The following SHISA9 variants were observed in gnomAD, a reference collection of about 807,000 sequenced individuals.
SHISA9 encodes protein shisa-9.
SHISA9 carries 13 observed loss-of-function variants against 38.0 expected under a neutral mutation model. The observed-to-expected ratio is 0.34, with a 90% CI of 0.22 to 0.54. SHISA9 has a LOEUF of 0.54. Among genes scored for constraint, SHISA9 ranks in the 20% least tolerant of loss-of-function variants. The pLI is 0.91. For missense variants in SHISA9, 538 were observed against 575.8 expected, an observed-to-expected ratio of 0.93 and a Z score of 0.67; for synonymous variants, 275 against 242.0, an observed-to-expected ratio of 1.14 and a Z score of -1.27.
chr16:13,558,988 G>A, the SHISA9 span, among the ~76,000 whole-genome samples: 397 of 152,170 alleles, frequency 2.6e-3, 2 homozygotes, highest in African/African-American at 9.1e-3. Context: ...ACAGAGTCTG[G>A]GAATAATGAA....
At chr16:13,214,684 C>G (rs371603940) in intron 4 of SHISA9, among the ~76,000 whole-genome samples, 1 of 152,160 alleles carries the variant, frequency 6.6e-6, no homozygotes, top group African/African-American at 2.4e-5. Context: ...GGGGAAGTCT[C>G]ACAATCAGGG....
chr16:13,398,275 G>A, the SHISA9 span, among the ~76,000 whole-genome samples: 1 of 152,130 alleles, frequency 6.6e-6, no homozygotes, highest in Admixed American at 6.5e-5. Context: ...CCCTGGCCAA[G>A]GACCACACCC....
the SHISA9 span, among the ~76,000 whole-genome samples, chr16:13,472,282 T>C: frequency 6.6e-6 from 1 of 152,134 alleles, no homozygotes; most frequent in Admixed American, 6.6e-5. Flanking sequence ...TCAAATATTT[T>C]TCTCCTCTGT....
At chr16:13,224,658 G>C (rs2051261656) in intron 4 of SHISA9, among the ~76,000 whole-genome samples, 1 of 152,170 alleles carries the variant, frequency 6.6e-6, no homozygotes, top group African/African-American at 2.4e-5. Context: ...TTCTGGTTAA[G>C]GGAGACAGAG....
At chr16:13,471,953 G>A in the SHISA9 span, among the ~76,000 whole-genome samples, 8 of 152,278 alleles carry the variant, frequency 5.3e-5, no homozygotes, top group East Asian at 1.9e-4. Context: ...CAAAGACAAG[G>A]GAGGAAAGGG....
chr16:13,332,128 A>AC, the SHISA9 span: 14 of 152,330 alleles, frequency 9.2e-5, no homozygotes, highest in African/African-American at 2.9e-4. Context: ...AACAACAACA[A>AC]AAAACAAAGA....
At chr16:13,027,722 T>C (rs1596595763) in intron 2 of SHISA9, among the ~76,000 whole-genome samples, 1 of 148,592 alleles carries the variant, frequency 6.7e-6, no homozygotes, top group Admixed American at 6.7e-5. Context: ...AGGTCAGGAG[T>C]TTGAGACCAG....
chr16:13,000,221 T>G (rs189263086), intron 2 of SHISA9, among the ~76,000 whole-genome samples: 2 of 152,144 alleles, frequency 1.3e-5, no homozygotes, highest in Admixed American at 6.5e-5. Context: ...GACAAGCTGC[T>G]TCAATTCTCT....
chr16:13,358,715 C>T, the SHISA9 span, among the ~76,000 whole-genome samples: 3,191 of 152,334 alleles, frequency 0.021, 55 homozygotes, highest in African/African-American at 0.04. Flanking sequence ...GAACCCCTCT[C>T]TGCCTTATAC....
At chr16:13,122,344 C>T (rs2050219172) in intron 2 of SHISA9, among the ~76,000 whole-genome samples, 1 of 152,106 alleles carries the variant, frequency 6.6e-6, no homozygotes, top group African/African-American at 2.4e-5. Context: ...AACAATTGTT[C>T]CTGCCTCTGG....
At chr16:13,102,590 T>A (rs1458719073) in intron 2 of SHISA9, among the ~76,000 whole-genome samples, 1 of 152,158 alleles carries the variant, frequency 6.6e-6, no homozygotes, top group Non-Finnish European at 1.5e-5. Flanking sequence ...AAAGTCAGGG[T>A]TGCAGCTGGG....
chr16:13,016,164 G>A (rs1041056369), intron 2 of SHISA9, among the ~76,000 whole-genome samples: 1 of 151,078 alleles, frequency 6.6e-6, no homozygotes, highest in African/African-American at 2.4e-5. Context: ...ATTTTTAGTA[G>A]AGACAGAGTT....
chr16:13,476,804 A>G, the SHISA9 span, among the ~76,000 whole-genome samples: 1 of 124,608 alleles, frequency 8.0e-6, no homozygotes, highest in African/African-American at 3.1e-5. Flanking sequence ...GCTGGAGTGC[A>G]GTGGCGTGAT....
At chr16:13,374,166 TTC>T in the SHISA9 span, among the ~76,000 whole-genome samples, 1 of 152,186 alleles carries the variant, frequency 6.6e-6, no homozygotes, top group African/African-American at 2.4e-5. Context: ...GTATTTTTTT[TTC>T]TTTTTTTTTT....
chr16:13,529,841 G>A, the SHISA9 span, among the ~76,000 whole-genome samples: 2 of 152,232 alleles, frequency 1.3e-5, no homozygotes, highest in Non-Finnish European at 2.9e-5. Flanking sequence ...GCTTGTGAGA[G>A]GCCAATCCCA....
At chr16:13,057,689 A>G (rs2073326426) in intron 2 of SHISA9, among the ~76,000 whole-genome samples, 1 of 152,200 alleles carries the variant, frequency 6.6e-6, no homozygotes, top group South Asian at 2.1e-4. Context: ...ACATGTGCAG[A>G]ATGTGCAGGT....
the SHISA9 span, among the ~76,000 whole-genome samples, chr16:13,366,978 A>T: frequency 1.4e-5 from 1 of 72,852 alleles, no homozygotes; most frequent in South Asian, 7.0e-4. Context: ...GTGAGGCTCC[A>T]TCTCAAAAAA....
the SHISA9 span, among the ~76,000 whole-genome samples, chr16:13,470,201 G>T: frequency 6.6e-6 from 1 of 152,180 alleles, no homozygotes; most frequent in African/African-American, 2.4e-5. Context: ...AAAAGCTTTA[G>T]ATTAGACATC....
chr16:13,398,252 C>A, the SHISA9 span, among the ~76,000 whole-genome samples: 1 of 152,122 alleles, frequency 6.6e-6, no homozygotes, highest in South Asian at 2.1e-4. Flanking sequence ...TGGGCACAAA[C>A]CCGGGGGTGG....
Sources: gnomAD v4.1 joint callset for allele counts (sites outside exome capture counted in the v4.1 genomes callset) on GRCh38, gnomAD v4.1.1 for gene constraint, MANE v1.5 for transcripts, NCBI Gene and HGNC (gene_info 2026-07-23, HGNC 2026-07-21) for gene names.